The following SAMD12 variants were observed in gnomAD, a reference collection of about 807,000 sequenced individuals.
SAMD12 encodes sterile alpha motif domain containing 12, also known as sterile alpha motif domain-containing protein 12.
SAMD12 carries 9 observed loss-of-function variants against 15.0 expected under a neutral mutation model. That is an observed-to-expected ratio of 0.60 (90% CI 0.36 to 1.05). SAMD12 has a LOEUF of 1.05. SAMD12 is among the 50% of genes least tolerant of loss of function. The probability of loss-of-function intolerance (pLI) is 0.01; values close to 1 mark genes in which losing one functional copy is unlikely to be tolerated. For synonymous variants in SAMD12, 86 were observed against 90.1 expected, an observed-to-expected ratio of 0.96 and a Z score of 0.25; for missense variants, 230 against 234.2, an observed-to-expected ratio of 0.98 and a Z score of 0.12.
intron 2 of SAMD12, among the ~76,000 whole-genome samples, chr8:118,532,018 G>A (rs1326107926): frequency 6.6e-6 from 1 of 152,146 alleles, no homozygotes; most frequent in African/African-American, 2.4e-5. Flanking sequence ...TTTTCAAAGG[G>A]AATGCTTCCA....
chr8:118,404,833 ATTATTT>A (rs1821049615), intron 3 of SAMD12, among the ~76,000 whole-genome samples: 1 of 151,860 alleles, frequency 6.6e-6, no homozygotes, highest in South Asian at 2.1e-4. Context: ...TCATGTTTTT[ATTATTT>A]TTAAGAGACA....
At chr8:118,399,492 T>G (rs1820764119) in intron 3 of SAMD12, among the ~76,000 whole-genome samples, 1 of 152,122 alleles carries the variant, frequency 6.6e-6, no homozygotes, top group Non-Finnish European at 1.5e-5. Context: ...GTGAGTAGCC[T>G]GCATCCAACG....
intron 3 of SAMD12, among the ~76,000 whole-genome samples, chr8:118,439,626 T>C (rs963862857): frequency 6.6e-6 from 1 of 151,780 alleles, no homozygotes; most frequent in Admixed American, 6.6e-5. Context: ...CAATGGATGC[T>C]AAAATCCACA....
chr8:118,543,631 C>CTTTTTTTTTTTTTTTTTTTT (rs397978436), intron 2 of SAMD12, among the ~76,000 whole-genome samples: 4 of 116,634 alleles, frequency 3.4e-5, no homozygotes, highest in African/African-American at 1.5e-4. Flanking sequence ...TTCTTTCTTT[C>CTTTTTTTTTTTTTTTTTTTT]TTTTTTTTTT....
In SAMD12 at chr8:118,405,609, G is replaced by A. The variant is rs530042668; in HGVS notation, c.323-25909C>T. ...GGTTTACATAAGTGTATGCACATCT[G>A]TAAAAATTTATTGAGCTGTACCTAA... On this transcript the variant is annotated intron_variant, in intron 3 of 3. Coordinates refer to ENST00000314727, the MANE Select transcript of SAMD12 (RefSeq NM_207506.3). Among the ~76,000 whole-genome samples, 6 of 152,152 alleles carry A rather than the reference G, an allele frequency of 3.9e-5. No individual in the cohort carries two copies. In the South Asian group the frequency reaches 1.0e-3, roughly 26 times the overall value.
intron 2 of SAMD12, among the ~76,000 whole-genome samples, chr8:118,533,311 G>T (rs1825740965): frequency 6.6e-6 from 1 of 152,178 alleles, no homozygotes; most frequent in Non-Finnish European, 1.5e-5. Flanking sequence ...GAGACAGTTT[G>T]TTATAATTTC....
At chr8:118,275,509 C>T (rs1423176828) in intron 4 of SAMD12, among the ~76,000 whole-genome samples, 1 of 152,126 alleles carries the variant, frequency 6.6e-6, no homozygotes, top group Admixed American at 6.5e-5. Context: ...GAATGGAATA[C>T]TTGATAAAAC....
intron 2 of SAMD12, among the ~76,000 whole-genome samples, chr8:118,472,389 T>G (rs1030198441): frequency 5.9e-5 from 9 of 152,186 alleles, no homozygotes; most frequent in Admixed American, 2.6e-4. Flanking sequence ...CAGCTGAGTT[T>G]CAATAAGTAT....
At chr8:118,252,992 C>T (rs1268407901) in intron 4 of SAMD12, among the ~76,000 whole-genome samples, 2 of 152,158 alleles carry the variant, frequency 1.3e-5, no homozygotes, top group Admixed American at 1.3e-4. Context: ...AGGGAGCCCA[C>T]ACAGAAAGAA....
intron 3 of SAMD12, among the ~76,000 whole-genome samples, chr8:118,433,136 TC>T (rs751550769): frequency 3.9e-5 from 6 of 152,130 alleles, no homozygotes; most frequent in Non-Finnish European, 1.5e-5. Flanking sequence ...TTGGCCTCTC[TC>T]CTGTCCTCCA....
In SAMD12 at chr8:118,585,806, T is replaced by C. The variant is rs550109587; in HGVS notation, c.14-4913A>G. 5.3e-5 allele frequency among the ~76,000 whole-genome samples: 8 copies of C among 152,308 alleles called. No individual in the cohort carries two copies. In the East Asian group the frequency reaches 1.4e-3, roughly 26 times the overall value. On this transcript the variant is annotated intron_variant, in intron 1 of 3. Coordinates refer to ENST00000314727, the MANE Select transcript of SAMD12 (RefSeq NM_207506.3). ...TAGTGGCTGAGGGATGCCATTCTCA[T>C]GTGATTTAGGTGACAGTAACAGGCT... is the stretch of plus-strand genomic sequence containing the variant.
chr8:118,326,739 G>A (rs1316113971), intron 4 of SAMD12, among the ~76,000 whole-genome samples: 1 of 152,100 alleles, frequency 6.6e-6, no homozygotes, highest in Non-Finnish European at 1.5e-5. Flanking sequence ...TGGCAATGGG[G>A]TGCAAAACTG....
chr8:118,599,299 A>G (rs974051976), intron 1 of SAMD12, among the ~76,000 whole-genome samples: 3 of 152,196 alleles, frequency 2.0e-5, no homozygotes, highest in African/African-American at 7.2e-5. Flanking sequence ...TCCTCTCTGC[A>G]CTACATGTAG....
intron 2 of SAMD12, among the ~76,000 whole-genome samples, chr8:118,562,576 A>T (rs1826734763): frequency 6.6e-6 from 1 of 152,220 alleles, no homozygotes; most frequent in African/African-American, 2.4e-5. Context: ...CAGAAAAGTG[A>T]CAAAGAACGA....
chr8:118,515,768 G>A (rs765390862), intron 2 of SAMD12, among the ~76,000 whole-genome samples: 9 of 152,084 alleles, frequency 5.9e-5, no homozygotes, highest in Non-Finnish European at 8.8e-5. Context: ...TCACTCTTGC[G>A]CGGCATCACC....
chr8:118,309,380 A>ATGTGTGTATG (rs1554628154), intron 4 of SAMD12, among the ~76,000 whole-genome samples: 23 of 143,896 alleles, frequency 1.6e-4, no homozygotes, highest in African/African-American at 6.0e-4. Flanking sequence ...TGAGATATAT[A>ATGTGTGTATG]TGTGTGTGTG....
At chr8:118,461,266 T>C (rs1823414015) in intron 2 of SAMD12, among the ~76,000 whole-genome samples, 1 of 152,274 alleles carries the variant, frequency 6.6e-6, no homozygotes, top group South Asian at 2.1e-4. Context: ...GTCTGCCACA[T>C]AGCAGTTGCT....
chr8:118,297,675 A>C (rs1814786639), intron 4 of SAMD12, among the ~76,000 whole-genome samples: 1 of 152,224 alleles, frequency 6.6e-6, no homozygotes, highest in Admixed American at 6.5e-5. Context: ...CTGAGGGAAG[A>C]GATTTGTAAA....
At position 118,580,756 on chromosome 8, in the gene SAMD12, C is replaced by A. The variant is rs528665749; in HGVS notation, c.151G>T (p.Gly51Ter). 1 of 1,613,298 alleles carries A rather than the reference C, an allele frequency of 6.2e-7. No individual in the cohort carries two copies. The highest frequency in any genetic ancestry group is 8.5e-7 in the Non-Finnish European group (1 of 1,179,424). ...KNFQKVPDQK[G>*]TPKRLQAEAE... is the part of the protein sequence containing the mutation. ...TCTGCCTGCAGTCGCTTGGGAGTTC[C>A]TTTCTGGTCAGGCACCTTCTGGAAA... The change falls in exon 2 of 4, where the codon GGA becomes TGA. Residue 51 changes from glycine to a stop codon, truncating the protein, a stop_gained. Coordinates refer to ENST00000314727, the MANE Select transcript of SAMD12 (RefSeq NM_207506.3). LOFTEE classifies it high-confidence loss of function.
Sources: gnomAD v4.1 joint callset for allele counts (sites outside exome capture counted in the v4.1 genomes callset) on GRCh38, gnomAD v4.1.1 for gene constraint, MANE v1.5 for transcripts, NCBI Gene and HGNC (gene_info 2026-07-23, HGNC 2026-07-21) for gene names.